The following DLG5 variants were observed in gnomAD, a reference collection of about 807,000 sequenced individuals.
DLG5 encodes discs large MAGUK scaffold protein 5, also known as disks large homolog 5.
Under a neutral mutation model 189.8 loss-of-function variants are expected in DLG5, and 48 were observed. The ratio of observed to expected loss-of-function variants is 0.25; its 90% CI spans 0.20 to 0.32. The LOEUF (loss-of-function observed/expected upper bound fraction) is 0.32. DLG5 is among the 10% of genes least tolerant of loss of function. DLG5 has a pLI of 1.00. For synonymous variants in DLG5, 1,016 were observed against 1,054.1 expected (o/e 0.96, Z 0.70); for missense variants, 2,160 against 2,544.7 (o/e 0.85, Z 3.25).
chr10:77,880,962 C>CT (rs61636782), intron 1 of DLG5, among the ~76,000 whole-genome samples: 913 of 73,270 alleles, frequency 0.012, 107 homozygotes, highest in African/African-American at 0.024. Context: ...AACCCTAGAC[C>CT]TTTTTTTTTT....
intron 1 of DLG5, among the ~76,000 whole-genome samples, chr10:77,896,160 T>C (rs1845752691): frequency 6.7e-6 from 1 of 150,246 alleles, no homozygotes; most frequent in Admixed American, 6.6e-5. Context: ...AAAAAAATAG[T>C]AGTGAGTGTA....
chr10:77,816,681 A>T lies in DLG5; in HGVS notation c.3895T>A (p.Cys1299Ser), dbSNP rs913868959. 1 of 1,611,756 alleles carries T rather than the reference A, an allele frequency of 6.2e-7. No homozygotes were observed. The highest frequency in any genetic ancestry group is 1.7e-5 in the Admixed American group (1 of 59,822). ...SERGSVSHSECSTPPQSPLNI... is the reference protein window; with the variant it reads ...SERGSVSHSESSTPPQSPLNI... ...AGGGGTGACTGTGGAGGAGTGCTGC[A>T]TTCAGAATGTGACACTGAACCTGCA... Residue 1299 changes from cysteine to serine, a missense_variant, in exon 20 of 32, where the codon TGC (cysteine) becomes AGC (serine). Coordinates refer to ENST00000372391, the MANE Select transcript of DLG5 (RefSeq NM_004747.4).
chr10:77,930,228 C>T (rs148939127), upstream of DLG5, among the ~76,000 whole-genome samples: 1,552 of 152,252 alleles, frequency 0.01, 15 homozygotes, highest in Non-Finnish European at 0.017. Flanking sequence ...ATGTTTCCTT[C>T]GGAAACAATC....
At chr10:77,906,617 C>CTA (rs1846076797) in intron 1 of DLG5, among the ~76,000 whole-genome samples, 2 of 102,174 alleles carry the variant, frequency 2.0e-5, no homozygotes, top group Non-Finnish European at 3.7e-5. Context: ...CTGCGCTCCA[C>CTA]TTTTTTTTTT....
At chr10:77,909,928 C>T (rs991648096) in intron 1 of DLG5, among the ~76,000 whole-genome samples, 16 of 152,198 alleles carry the variant, frequency 1.1e-4, no homozygotes, top group African/African-American at 3.6e-4. Flanking sequence ...ACAAGAGGCC[C>T]GGTGGCCTCA....
At chr10:77,858,429 GT>G (rs1564555206) in intron 2 of DLG5, among the ~76,000 whole-genome samples, 1 of 152,176 alleles carries the variant, frequency 6.6e-6, no homozygotes, top group Non-Finnish European at 1.5e-5. Flanking sequence ...GAGCTCAGGA[GT>G]TTGAGACCAG....
At chr10:77,895,859 T>G (rs2154577735) in intron 1 of DLG5, among the ~76,000 whole-genome samples, 1 of 152,218 alleles carries the variant, frequency 6.6e-6, no homozygotes. Context: ...AGGGCTCAAA[T>G]GTACCACTGC....
intron 17 of DLG5, among the ~76,000 whole-genome samples, chr10:77,818,244 A>G (rs1178161105): frequency 6.6e-6 from 1 of 152,054 alleles, no homozygotes; most frequent in Non-Finnish European, 1.5e-5. Flanking sequence ...GGGTAAGGAG[A>G]GACAAGGCAC....
intron 5 of DLG5, chr10:77,846,641 G>T: frequency 1.3e-5 from 6 of 449,984 alleles, no homozygotes; most frequent in Admixed American, 7.2e-5. Flanking sequence ...AGGTTGCAGT[G>T]AGCCAAGACT....
At chr10:77,911,037 G>A (rs936284108) in intron 1 of DLG5, among the ~76,000 whole-genome samples, 1 of 150,276 alleles carries the variant, frequency 6.7e-6, no homozygotes, top group Non-Finnish European at 1.5e-5. Flanking sequence ...GTTCTGGTCA[G>A]ATGAGAAGAA....
intron 1 of DLG5, among the ~76,000 whole-genome samples, chr10:77,880,357 G>C (rs1845240591): frequency 6.6e-6 from 1 of 152,144 alleles, no homozygotes; most frequent in Admixed American, 6.5e-5. Flanking sequence ...AGGAGGCTGG[G>C]GCAAGAGAAT....
chr10:77,917,644 T>C (rs1846402885), intron 1 of DLG5, among the ~76,000 whole-genome samples: 1 of 152,164 alleles, frequency 6.6e-6, no homozygotes, highest in Non-Finnish European at 1.5e-5. Flanking sequence ...GGCCATGTAG[T>C]TATTATTCAA....
chr10:77,824,529 A>G, intron 13 of DLG5, 53 bp from the exon 14 acceptor site: 1 of 1,424,804 alleles, frequency 7.0e-7, no homozygotes, highest in Non-Finnish European at 9.8e-7. Flanking sequence ...CCTCAGGCCT[A>G]CCAGTCAGGA....
intron 22 of DLG5, among the ~76,000 whole-genome samples, chr10:77,811,549 TG>T (rs1841773791): frequency 6.6e-6 from 1 of 152,086 alleles, no homozygotes; most frequent in South Asian, 2.1e-4. Flanking sequence ...CTGCAGGGCA[TG>T]CCTCCCCTTC....
chr10:77,813,090 A>G (rs1841863827), intron 20 of DLG5, among the ~76,000 whole-genome samples: 2 of 152,228 alleles, frequency 1.3e-5, no homozygotes, highest in African/African-American at 4.8e-5. Flanking sequence ...GAAAGAAGAT[A>G]AGGGACGCTC....
intron 1 of DLG5, among the ~76,000 whole-genome samples, chr10:77,897,294 T>A (rs1845790086): frequency 6.6e-6 from 1 of 152,022 alleles, no homozygotes. Context: ...AGGCGAAGGT[T>A]GCAGTGAGTG....
chr10:77,857,178 A>G (rs1198827218), intron 2 of DLG5, among the ~76,000 whole-genome samples: 1 of 151,774 alleles, frequency 6.6e-6, no homozygotes, highest in Non-Finnish European at 1.5e-5. Context: ...TGGCTTTCAC[A>G]CCTCCAGGAT....
rs1589289976 is a variant in DLG5, at chr10:77,926,425, G to A, written c.96C>T (p.Ala32=). ...EVEAVLGLLE[A]AGALSPGERR... is the part of the protein sequence containing the mutation. ...GCTCGCCGGGACTGAGCGCTCCCGCGGCCTCGAGCAGCCCGAGCACGGCTT... is the reference window on the plus strand; with the variant it reads ...GCTCGCCGGGACTGAGCGCTCCCGCAGCCTCGAGCAGCCCGAGCACGGCTT... Residue 32 remains alanine (A), a synonymous_variant, in exon 1 of 32, where the codon GCC becomes GCT. Coordinates refer to ENST00000372391, the MANE Select transcript of DLG5 (RefSeq NM_004747.4). This position sits in a 1 kb window ranked among gnomAD's most constrained non-coding sequence, Gnocchi z 5.2. The A allele has an allele frequency of 4.4e-6, 7 of 1,574,970 alleles. No individual in the cohort carries two copies. The highest frequency in any genetic ancestry group is 5.2e-6 in the Non-Finnish European group (6 of 1,163,202).
At chr10:77,931,039 C>T (rs58919828), upstream of DLG5, among the ~76,000 whole-genome samples, 5 of 151,828 alleles carry the variant, frequency 3.3e-5, no homozygotes, top group Non-Finnish European at 7.4e-5. Flanking sequence ...AGGCTGGTCT[C>T]GAACTCCCAA....
Sources: allele counts gnomAD v4.1 joint callset (sites outside exome capture counted in the v4.1 genomes callset), GRCh38; gene constraint gnomAD v4.1.1; non-coding constraint Gnocchi (gnomAD v3.1); transcripts MANE v1.5; gene names NCBI Gene and HGNC (gene_info 2026-07-23, HGNC 2026-07-21).